Variants in PPHLN1 observed in about 807,000 individuals in gnomAD.
The protein encoded by PPHLN1 is periphilin 1.
A neutral mutation model predicts 51.3 loss-of-function variants in PPHLN1; 29 were observed. The observed-to-expected ratio is 0.57, with a 90% CI of 0.42 to 0.77. The LOEUF is 0.77. Among genes scored for constraint, PPHLN1 ranks in the 30% least tolerant of loss-of-function variants. The pLI is 0.00. For missense variants in PPHLN1, 436 were observed against 438.4 expected, an observed-to-expected ratio of 0.99 and a Z score of 0.05; for synonymous variants, 147 against 147.8, an observed-to-expected ratio of 0.99 and a Z score of 0.04.
chr12:42,363,262 A>G (rs776750978), intron 4 of PPHLN1, among the ~76,000 whole-genome samples: 43 of 152,130 alleles, frequency 2.8e-4, no homozygotes, highest in Admixed American at 1.3e-3. Flanking sequence ...AAATGTGATT[A>G]TTATCCTGAC....
At chr12:42,364,397 A>T (rs1484170838) in intron 4 of PPHLN1, among the ~76,000 whole-genome samples, 2 of 152,012 alleles carry the variant, frequency 1.3e-5, no homozygotes, top group African/African-American at 4.8e-5. Context: ...TGGGAGGCTG[A>T]AGTGGGAGGA....
At chr12:42,431,228 G>A (rs2097502800) in intron 9 of PPHLN1, among the ~76,000 whole-genome samples, 1 of 152,118 alleles carries the variant, frequency 6.6e-6, no homozygotes, top group Admixed American at 6.6e-5. Flanking sequence ...AACTAATGGA[G>A]AAATTACAGT....
downstream of PPHLN1, chr12:42,445,250 C>T: frequency 1.7e-6 from 1 of 602,994 alleles, no homozygotes; most frequent in Non-Finnish European, 3.0e-6. Context: ...ACCAAGCCAC[C>T]CAATCACATC....
chr12:42,406,116 C>T (rs1239531034), intron 9 of PPHLN1, among the ~76,000 whole-genome samples: 1 of 137,890 alleles, frequency 7.3e-6, no homozygotes, highest in African/African-American at 2.6e-5. Flanking sequence ...CAGAGTCTTG[C>T]TCTGTCACCC....
intron 8 of PPHLN1, among the ~76,000 whole-genome samples, chr12:42,396,817 G>T (rs1202314565): frequency 6.7e-6 from 1 of 149,214 alleles, no homozygotes; most frequent in Non-Finnish European, 1.5e-5. Context: ...GGACAGCGGG[G>T]CAGGTATGCT....
At chr12:42,360,796 G>A (rs1002738567) in intron 4 of PPHLN1, among the ~76,000 whole-genome samples, 1 of 151,874 alleles carries the variant, frequency 6.6e-6, no homozygotes, top group Non-Finnish European at 1.5e-5. Context: ...CCCAGCCGCC[G>A]AATTCTTTTT....
intron 5 of PPHLN1, among the ~76,000 whole-genome samples, chr12:42,380,897 C>T (rs745886801): frequency 1.3e-5 from 2 of 152,138 alleles, no homozygotes; most frequent in Non-Finnish European, 2.9e-5. Context: ...AATCAACAAA[C>T]ATATATTGAA....
intron 9 of PPHLN1, among the ~76,000 whole-genome samples, chr12:42,413,996 T>A (rs2080131938): frequency 6.6e-6 from 1 of 150,988 alleles, no homozygotes; most frequent in Non-Finnish European, 1.5e-5. Context: ...TTTTTTCTAA[T>A]TCTGTGAAAA....
rs560245934 is a variant in PPHLN1 at position 42,330,308 on chromosome 12, G to T, written c.-21+4079G>T. Among the ~76,000 whole-genome samples the T allele has an allele frequency of 2.6e-5, 4 of 152,202 alleles. No homozygotes were observed. In the South Asian group the frequency reaches 8.3e-4, roughly 32 times the overall value. The stretch of plus-strand genomic sequence containing the variant: ...CAGAGGCCTTCCTCTTACCTCAACC[G>T]CAAGAGGCCTTCCTCTTTTACTGAT... On this transcript the variant is annotated intron_variant, in intron 1 of 9. Transcript: ENST00000358314.
chr12:42,422,442 C>G (rs764039657), intron 9 of PPHLN1, among the ~76,000 whole-genome samples: 1 of 152,182 alleles, frequency 6.6e-6, no homozygotes, highest in Non-Finnish European at 1.5e-5. Context: ...GAAATGACAG[C>G]GTACTGTTTC....
At chr12:42,355,500 G>A (rs1286037654) in intron 4 of PPHLN1, 2 of 253,690 alleles carry the variant, frequency 7.9e-6, no homozygotes, top group Non-Finnish European at 1.5e-5. Flanking sequence ...GCTTTGGGAG[G>A]CCAAGGCGGG....
At chr12:42,335,322 A>T (rs1194969329) in intron 1 of PPHLN1, among the ~76,000 whole-genome samples, 1 of 152,300 alleles carries the variant, frequency 6.6e-6, no homozygotes, top group Admixed American at 6.5e-5. Context: ...CGTTAAAAAA[A>T]TCAGGAGTGG....
At chr12:42,436,327 G>A (rs2082480900) in intron 9 of PPHLN1, among the ~76,000 whole-genome samples, 1 of 152,204 alleles carries the variant, frequency 6.6e-6, no homozygotes, top group Non-Finnish European at 1.5e-5. Context: ...GTTTTGTGGT[G>A]CTAGGAAGAA....
chr12:42,414,606 A>G (rs993047628), intron 9 of PPHLN1, among the ~76,000 whole-genome samples: 1 of 152,184 alleles, frequency 6.6e-6, no homozygotes, highest in African/African-American at 2.4e-5. Context: ...TAGCAGTGCT[A>G]CTGATTCATA....
At chr12:42,418,093 C>G (rs899143074) in intron 9 of PPHLN1, among the ~76,000 whole-genome samples, 28 of 150,978 alleles carry the variant, frequency 1.9e-4, no homozygotes, top group African/African-American at 6.6e-4. Flanking sequence ...GCCCCTGCCA[C>G]CAAGCCCAGC....
At chr12:42,333,747 G>A (rs898212284) in intron 1 of PPHLN1, among the ~76,000 whole-genome samples, 1 of 152,194 alleles carries the variant, frequency 6.6e-6, no homozygotes, top group Non-Finnish European at 1.5e-5. Context: ...CTCCCAAAAT[G>A]CTGGGATTAC....
intron 9 of PPHLN1, among the ~76,000 whole-genome samples, chr12:42,436,154 G>A (rs1017215085): frequency 5.3e-5 from 8 of 152,146 alleles, no homozygotes; most frequent in Non-Finnish European, 1.0e-4. Flanking sequence ...TTGATTGACT[G>A]TGTCCTTATT....
chr12:42,348,318 C>T (rs1176386693), intron 2 of PPHLN1, among the ~76,000 whole-genome samples: 3 of 119,534 alleles, frequency 2.5e-5, no homozygotes, highest in Non-Finnish European at 5.0e-5. Context: ...AACGGGGTTT[C>T]ACCGTGTTGG....
intron 9 of PPHLN1, among the ~76,000 whole-genome samples, chr12:42,420,688 TCCCCTC>T (rs1399084390): frequency 4.8e-4 from 8 of 16,780 alleles, no homozygotes; most frequent in African/African-American, 7.2e-4. Context: ...TCCCCTCCCC[TCCCCTC>T]CCCTCCCTCC....
Sources: allele counts gnomAD v4.1 joint callset (sites outside exome capture counted in the v4.1 genomes callset), GRCh38; gene constraint gnomAD v4.1.1; transcripts MANE v1.5; gene names NCBI Gene and HGNC (gene_info 2026-07-23, HGNC 2026-07-21).